IL20RB: variants seen among roughly 807,000 people sequenced by gnomAD.
IL20RB encodes the protein interleukin 20 receptor subunit beta, also known as interleukin-20 receptor subunit beta.
Under a neutral mutation model 33.3 loss-of-function variants are expected in IL20RB, and 21 were observed. The observed-to-expected ratio is 0.63, with a 90% CI of 0.45 to 0.91. The LOEUF (loss-of-function observed/expected upper bound fraction) is 0.91. IL20RB is among the 40% of genes least tolerant of loss of function. IL20RB has a pLI of 0.00. For synonymous variants in IL20RB, 147 were observed against 146.8 expected (o/e 1.00, Z -0.01); for missense variants, 345 against 384.8 (o/e 0.90, Z 0.86).
chr3:136,980,303 TGAGACAG>T, intron 1 of IL20RB, 156 bp from the exon 2 acceptor site: 1 of 670,618 alleles, frequency 1.5e-6, no homozygotes, highest in Non-Finnish European at 2.5e-6. Context: ...TTTTTTTTTT[TGAGACAG>T]AGTCTCATTC....
At chr3:136,986,732 T>C (rs991687481) in intron 3 of IL20RB, 14 of 456,772 alleles carry the variant, frequency 3.1e-5, no homozygotes, top group Middle Eastern at 3.2e-4. Flanking sequence ...GTGTCCGGAA[T>C]TGGTGGGTTC....
chr3:137,001,488 C>A (rs1339301982), intron 6 of IL20RB, among the ~76,000 whole-genome samples: 1 of 152,196 alleles, frequency 6.6e-6, no homozygotes, highest in Non-Finnish European at 1.5e-5. Context: ...AGCCTAGCTG[C>A]ATTTCTACAT....
chr3:136,989,379 T>C (rs1447008622), intron 3 of IL20RB, 62 bp from the exon 4 acceptor site: 3 of 1,597,056 alleles, frequency 1.9e-6, no homozygotes, highest in Non-Finnish European at 1.7e-6. Flanking sequence ...CCGGTCATTG[T>C]GTTCCAGGGA....
chr3:136,987,896 A>G (rs1349282175), intron 3 of IL20RB, among the ~76,000 whole-genome samples: 1 of 152,162 alleles, frequency 6.6e-6, no homozygotes, highest in Admixed American at 6.5e-5. Context: ...GGGCCCACCA[A>G]GCCCACGCCC....
chr3:136,972,341 C>G (rs1279053547), intron 1 of IL20RB, among the ~76,000 whole-genome samples: 2 of 152,074 alleles, frequency 1.3e-5, no homozygotes, highest in Admixed American at 1.3e-4. Context: ...TAATGCAGTC[C>G]CATTTGTCTC....
chr3:136,962,150 A>G lies in IL20RB; in HGVS notation c.88+3949A>G, dbSNP rs182924703. Reference sequence around the variant, plus strand: ...ATCACAGCAATAATTATTACAAGAAATATCCATCAGTAGATGTTAAAATTA... The same window carrying G: ...ATCACAGCAATAATTATTACAAGAAGTATCCATCAGTAGATGTTAAAATTA... On this transcript the variant is annotated intron_variant, in intron 1 of 6. Coordinates refer to ENST00000329582, the MANE Select transcript of IL20RB (RefSeq NM_144717.4). 7.2e-5 allele frequency among the ~76,000 whole-genome samples: 11 copies of G among 152,366 alleles called. 1 individual carries two copies. In the East Asian group the frequency reaches 1.7e-3, roughly 24 times the overall value.
chr3:137,005,797 T>A (rs1320311173), intron 6 of IL20RB, among the ~76,000 whole-genome samples: 1 of 152,232 alleles, frequency 6.6e-6, no homozygotes, highest in Non-Finnish European at 1.5e-5. Flanking sequence ...GTGAATTTGA[T>A]CCTGTCATTA....
At position 136,974,989 on chromosome 3, in the gene IL20RB, T is replaced by C. The variant is rs140586603; in HGVS notation, c.89-5477T>C. ...TAAAAAATATCTATCTCTTTGGAAA[T>C]TTCTCATTTATATTCTGAATTGTTT... On this transcript the variant is annotated intron_variant, in intron 1 of 6. Coordinates refer to ENST00000329582, the MANE Select transcript of IL20RB (RefSeq NM_144717.4). 2.3e-3 allele frequency among the ~76,000 whole-genome samples: 354 copies of C among 152,324 alleles called. 1 individual carries two copies. The highest frequency in any genetic ancestry group is 7.4e-3 in the African/African-American group (306 of 41,582).
At chr3:136,985,772 C>T (rs1278179735) in intron 3 of IL20RB, among the ~76,000 whole-genome samples, 2 of 152,150 alleles carry the variant, frequency 1.3e-5, no homozygotes, top group African/African-American at 4.8e-5. Flanking sequence ...AAATGATCTG[C>T]ATGCATCTTA....
intron 6 of IL20RB, 128 bp from the exon 7 acceptor site, chr3:137,009,985 A>AT (rs910347147): frequency 4.1e-5 from 25 of 611,476 alleles, no homozygotes; most frequent in Middle Eastern, 4.5e-4. Flanking sequence ...AGGGCTTGAA[A>AT]TTGTTTTTTG....
intron 6 of IL20RB, among the ~76,000 whole-genome samples, chr3:137,003,395 T>C (rs1942285651): frequency 1.3e-5 from 2 of 152,316 alleles, no homozygotes; most frequent in Non-Finnish European, 2.9e-5. Flanking sequence ...ATTCTTCCTA[T>C]CTATGAGCAT....
At position 136,982,356 on chromosome 3, in the gene IL20RB, G is replaced by A; in HGVS notation, c.406+6G>A. 1.3e-6 allele frequency: 2 copies of A among 1,567,136 alleles called. No homozygotes were observed. Among genetic ancestry groups the A allele is most frequent in the Non-Finnish European group, 1.7e-6 (2 of 1,147,062 alleles). On this transcript the variant is annotated splice_donor_region_variant and intron_variant, in intron 3 of 6. Transcript: ENST00000329582. The stretch of plus-strand genomic sequence containing the variant: ...TCCCTTTAATAGAAACTCAAGTAAG[G>A]CACTTCTCTCCTTACACTCCCACCC...
Position 136,980,513 on chromosome 3 carries a change from A to G in IL20RB, c.136A>G (p.Thr46Ala). Residue 46 changes from threonine (T) to alanine (A), a missense_variant, in exon 2 of 7, where the codon ACC becomes GCC. Physicochemically the swap from Thr to Ala is moderately conservative, Grantham distance 58. Coordinates refer to ENST00000329582, the MANE Select transcript of IL20RB (RefSeq NM_144717.4). ...CCCTCAGAACCTCTCTGTACTCTCAACCAACATGAAGCATCTCTTGATGTG... is the reference window on the plus strand; with the variant it reads ...CCCTCAGAACCTCTCTGTACTCTCAGCCAACATGAAGCATCTCTTGATGTG... Reference protein sequence around the residue: ...PAPQNLSVLSTNMKHLLMWSP... With the variant: ...PAPQNLSVLSANMKHLLMWSP... 1 of 1,614,138 alleles carries G rather than the reference A, an allele frequency of 6.2e-7. No individual in the cohort carries two copies. Among genetic ancestry groups the G allele is most frequent in the South Asian group, 1.1e-5 (1 of 91,086 alleles).
At chr3:136,975,825 T>G (rs1418111698) in intron 1 of IL20RB, among the ~76,000 whole-genome samples, 1 of 152,186 alleles carries the variant, frequency 6.6e-6, no homozygotes, top group Non-Finnish European at 1.5e-5. Flanking sequence ...CCCAGGGTTA[T>G]GTATGCGGGC....
chr3:136,992,232 T>G (rs1205456955), intron 5 of IL20RB, 144 bp downstream of exon 5: 1 of 840,930 alleles, frequency 1.2e-6, no homozygotes, highest in Non-Finnish European at 1.8e-6. Flanking sequence ...GTTCCCATAG[T>G]GAAATTATGT....
chr3:137,005,475 A>G (rs534155062), intron 6 of IL20RB, among the ~76,000 whole-genome samples: 10 of 152,280 alleles, frequency 6.6e-5, no homozygotes, highest in Non-Finnish European at 1.3e-4. Flanking sequence ...CATATTTAGG[A>G]TAGCTAACTC....
Position 136,991,929 on chromosome 3 carries a change from C to A in IL20RB, c.532-9C>A. 1 of 1,612,518 alleles carries A rather than the reference C, an allele frequency of 6.2e-7. No individual in the cohort carries two copies. Among genetic ancestry groups the A allele is most frequent in the South Asian group, 1.1e-5 (1 of 90,886 alleles). On this transcript the variant is annotated splice_polypyrimidine_tract_variant and intron_variant, in intron 4 of 6. Transcript: ENST00000329582. ...TTGGCCAATAACTGTGTTTTCTGGT[C>A]TGTCAAAGGAACATGTCAAAATGGT...
In IL20RB at chr3:137,007,920, A is replaced by C. The variant is rs186391290; in HGVS notation, c.826-2193A>C. On this transcript the variant is annotated intron_variant, in intron 6 of 6. Transcript: ENST00000329582. The stretch of plus-strand genomic sequence containing the variant: ...AGTGTTTCTATTCAGCCATCTTGGA[A>C]CGCAATCCCACCAAGTAAAAATCTA... Among the ~76,000 whole-genome samples the C allele has an allele frequency of 1.1e-4, 16 of 152,318 alleles. No homozygotes were observed. The East Asian group carries it at 3.1e-3, about 29-fold the overall frequency.
rs1560070561 is a variant in IL20RB, at chr3:136,982,310, A to C, written c.366A>C (p.Ser122=). The part of the protein sequence containing the change: ...RVRATLGSQT[S]AWSILKHPFN... The stretch of plus-strand genomic sequence containing the variant: ...GGGCCACATTGGGCTCACAGACCTC[A>C]GCCTGGAGCATCCTGAAGCATCCCT... The change falls in exon 3 of 7, where the codon TCA becomes TCC. Residue 122 remains serine (S), a synonymous_variant. Coordinates refer to ENST00000329582, the MANE Select transcript of IL20RB (RefSeq NM_144717.4). The C allele has an allele frequency of 3.1e-6, 5 of 1,607,182 alleles. No individual in the cohort carries two copies. The highest frequency in any genetic ancestry group is 4.3e-6 in the Non-Finnish European group (5 of 1,174,930).
Sources: allele counts gnomAD v4.1 joint callset (sites outside exome capture counted in the v4.1 genomes callset), GRCh38; gene constraint gnomAD v4.1.1; transcripts MANE v1.5; gene names NCBI Gene and HGNC (gene_info 2026-07-23, HGNC 2026-07-21).